Variants in BANK1 observed in about 807,000 individuals in gnomAD.
The protein encoded by BANK1 is B cell scaffold protein with ankyrin repeats 1, also known as B-cell scaffold protein with ankyrin repeats.
Under a neutral mutation model 94.5 loss-of-function variants are expected in BANK1, and 95 were observed. That is an observed-to-expected ratio of 1.00 (90% CI 0.85 to 1.19). The LOEUF is 1.19. Among genes scored for constraint, BANK1 ranks in the 50% most tolerant of loss-of-function variants. The pLI is 0.00. For synonymous variants in BANK1, 334 were observed against 308.4 expected (o/e 1.08, Z -0.87); for missense variants, 987 against 932.2 (o/e 1.06, Z -0.77).
At chr4:101,939,500 T>C (rs1229771770) in intron 7 of BANK1, among the ~76,000 whole-genome samples, 2 of 151,724 alleles carry the variant, frequency 1.3e-5, no homozygotes, top group African/African-American at 4.8e-5. Context: ...TGCCTCCATC[T>C]TGTAGCAGCA....
At chr4:101,944,364 C>T (rs1027167072) in intron 7 of BANK1, among the ~76,000 whole-genome samples, 9 of 151,846 alleles carry the variant, frequency 5.9e-5, no homozygotes, top group Non-Finnish European at 1.0e-4. Flanking sequence ...TCCAATATCT[C>T]CATGATCTCC....
intron 7 of BANK1, among the ~76,000 whole-genome samples, chr4:102,017,097 A>C (rs1726728420): frequency 6.6e-6 from 1 of 152,254 alleles, no homozygotes; most frequent in African/African-American, 2.4e-5. Flanking sequence ...TTTTAATATT[A>C]TATCACTGTA....
At chr4:101,987,100 T>A (rs1465555739) in intron 7 of BANK1, among the ~76,000 whole-genome samples, 1 of 151,498 alleles carries the variant, frequency 6.6e-6, no homozygotes, top group African/African-American at 2.4e-5. Flanking sequence ...CTGGGCTTCC[T>A]GATGTTTAGT....
chr4:101,937,317 A>G (rs535162929), intron 7 of BANK1, among the ~76,000 whole-genome samples: 8 of 151,932 alleles, frequency 5.3e-5, no homozygotes, highest in Non-Finnish European at 1.2e-4. Flanking sequence ...GAATAGGAGA[A>G]AATTTTTGCA....
chr4:101,828,967 A>G (rs1014905047), intron 1 of BANK1, among the ~76,000 whole-genome samples: 1 of 151,852 alleles, frequency 6.6e-6, no homozygotes, highest in African/African-American at 2.4e-5. Flanking sequence ...GGTTCAAGCC[A>G]TTCTCCTGAC....
At chr4:102,007,156 A>ATATATATATATATATATAATATATTT (rs1560682370) in intron 7 of BANK1, among the ~76,000 whole-genome samples, 5 of 114,738 alleles carry the variant, frequency 4.4e-5, no homozygotes, top group African/African-American at 1.7e-4. Context: ...TTATATATAT[A>ATATATATATATATATATAATATATTT]TATATATATA....
At chr4:102,060,172 C>T (rs751980519) in intron 11 of BANK1, 39 bp from the exon 12 acceptor site, 2 of 1,504,800 alleles carry the variant, frequency 1.3e-6, no homozygotes, top group Non-Finnish European at 1.8e-6. Context: ...TTGTCTACAC[C>T]TGGACTTTCT....
intron 1 of BANK1, among the ~76,000 whole-genome samples, chr4:101,827,891 T>C (rs1212278648): frequency 6.6e-6 from 1 of 151,932 alleles, no homozygotes; most frequent in African/African-American, 2.4e-5. Flanking sequence ...TATATTATGA[T>C]TTCTTGATTT....
intron 7 of BANK1, among the ~76,000 whole-genome samples, chr4:101,949,031 G>T (rs1724040915): frequency 6.6e-6 from 1 of 151,986 alleles, no homozygotes; most frequent in Non-Finnish European, 1.5e-5. Flanking sequence ...TGCCTCATTT[G>T]TCTCACCTTG....
chr4:101,882,886 G>A (rs958347721), intron 5 of BANK1, among the ~76,000 whole-genome samples: 3 of 151,234 alleles, frequency 2.0e-5, no homozygotes, highest in Non-Finnish European at 4.4e-5. Context: ...TTAGCTGTCC[G>A]TCCAAAGGAG....
At chr4:101,859,748 C>T (rs1251872357) in intron 3 of BANK1, among the ~76,000 whole-genome samples, 1 of 152,270 alleles carries the variant, frequency 6.6e-6, no homozygotes, top group African/African-American at 2.4e-5. Flanking sequence ...TTTTTACAGA[C>T]TTACTTCACC....
chr4:102,014,648 T>C (rs1726629496), intron 7 of BANK1, among the ~76,000 whole-genome samples: 1 of 152,056 alleles, frequency 6.6e-6, no homozygotes, highest in African/African-American at 2.4e-5. Context: ...ATCCTGGGAG[T>C]ATTTCACATC....
intron 7 of BANK1, among the ~76,000 whole-genome samples, chr4:101,956,872 A>T (rs904869455): frequency 6.6e-6 from 1 of 152,190 alleles, no homozygotes; most frequent in African/African-American, 2.4e-5. Context: ...GAAAATTGAC[A>T]ATTTAAGGAA....
intron 3 of BANK1, among the ~76,000 whole-genome samples, chr4:101,857,260 C>T (rs1727712149): frequency 6.6e-6 from 1 of 152,162 alleles, no homozygotes; most frequent in African/African-American, 2.4e-5. Context: ...CCAGGTCTTC[C>T]TTAAGATGTG....
At chr4:101,835,677 G>A (rs1303198457) in intron 2 of BANK1, among the ~76,000 whole-genome samples, 1 of 152,212 alleles carries the variant, frequency 6.6e-6, no homozygotes. Flanking sequence ...TGTCTGTGCT[G>A]TGTATTGCTT....
chr4:101,848,936 T>C (rs919417541), intron 2 of BANK1, among the ~76,000 whole-genome samples: 8 of 152,154 alleles, frequency 5.3e-5, no homozygotes, highest in Non-Finnish European at 7.3e-5. Context: ...ACTCCCCAAG[T>C]TCTAGCTGCA....
chr4:101,815,033 T>G (rs1725859715), intron 1 of BANK1, among the ~76,000 whole-genome samples: 1 of 152,092 alleles, frequency 6.6e-6, no homozygotes, highest in South Asian at 2.1e-4. Flanking sequence ...TATTAAGAAA[T>G]ATGACAAAGA....
At chr4:102,009,799 G>GTT (rs538167789) in intron 7 of BANK1, among the ~76,000 whole-genome samples, 21 of 152,026 alleles carry the variant, frequency 1.4e-4, no homozygotes, top group Non-Finnish European at 2.4e-4. Flanking sequence ...TGTTATGTAA[G>GTT]TTATTGTTTT....
intron 2 of BANK1, among the ~76,000 whole-genome samples, chr4:101,854,692 A>G (rs1480759319): frequency 6.6e-6 from 1 of 152,098 alleles, no homozygotes; most frequent in African/African-American, 2.4e-5. Flanking sequence ...GTCCTTAATA[A>G]CCGTCATGGA....
Sources: allele counts gnomAD v4.1 joint callset (sites outside exome capture counted in the v4.1 genomes callset), GRCh38; gene constraint gnomAD v4.1.1; transcripts MANE v1.5; gene names NCBI Gene and HGNC (gene_info 2026-07-23, HGNC 2026-07-21).